TMEM154: variants seen among roughly 807,000 people sequenced by gnomAD.
The protein encoded by TMEM154 is transmembrane protein 154.
In TMEM154, 27 loss-of-function variants were observed where a neutral mutation model predicts 24.5. The ratio of observed to expected loss-of-function variants is 1.10; its 90% CI spans 0.81 to 1.52. The LOEUF is 1.52. TMEM154 is among the 40% of genes most tolerant of loss of function. The pLI, the probability that TMEM154 is intolerant of heterozygous loss-of-function variation, is 0.00. For synonymous variants in TMEM154, 67 were observed against 76.8 expected (o/e 0.87, Z 0.67); for missense variants, 228 against 213.4 (o/e 1.07, Z -0.43).
intron 6 of TMEM154, among the ~76,000 whole-genome samples, chr4:152,637,418 A>C (rs1276452564): frequency 2.0e-5 from 3 of 151,984 alleles, no homozygotes; most frequent in Non-Finnish European, 2.9e-5. Flanking sequence ...GGTGGTGGGT[A>C]CCTGTAATCC....
intron 4 of TMEM154, among the ~76,000 whole-genome samples, 157 bp from the exon 5 acceptor site, chr4:152,643,330 A>G (rs543227828): frequency 6.6e-6 from 1 of 152,234 alleles, no homozygotes; most frequent in East Asian, 1.9e-4. Flanking sequence ...CCAAACTACC[A>G]AACTTTAATA....
Position 152,628,195 on chromosome 4 carries a change from G to T in TMEM154, c.*351C>A, listed in dbSNP as rs1751950838. On this transcript the variant is annotated 3_prime_UTR_variant, in exon 7 of 7. Transcript: ENST00000304385. Reference sequence around the variant, plus strand: ...TAGGCCCTAAGGAATGAAGCAGAAAGGTGACGAACATTTATCATGACCAGA... The same window carrying T: ...TAGGCCCTAAGGAATGAAGCAGAAATGTGACGAACATTTATCATGACCAGA... The T allele has an allele frequency of 3.3e-6, 1 of 302,560 alleles. No homozygotes were observed. The highest frequency in any genetic ancestry group is 6.1e-6 in the Non-Finnish European group (1 of 164,226). 18.7% of individuals were successfully genotyped at this position (302,560 alleles called of 1,614,324 possible).
intron 6 of TMEM154, among the ~76,000 whole-genome samples, chr4:152,635,566 C>T (rs964512086): frequency 2.0e-5 from 3 of 151,524 alleles, no homozygotes; most frequent in African/African-American, 7.3e-5. Context: ...TATACTTTCT[C>T]AAAAAATGAC....
intron 1 of TMEM154, among the ~76,000 whole-genome samples, chr4:152,658,168 A>G (rs1320490995): frequency 6.6e-6 from 1 of 152,234 alleles, no homozygotes; most frequent in Non-Finnish European, 1.5e-5. Context: ...GAAATTAAAT[A>G]ACATGCTCCT....
At chr4:152,629,138 C>T (rs1751983950) in intron 6 of TMEM154, among the ~76,000 whole-genome samples, 1 of 152,244 alleles carries the variant, frequency 6.6e-6, no homozygotes, top group African/African-American at 2.4e-5. Flanking sequence ...AGCTCTTTCT[C>T]CTCATAGCCC....
intron 6 of TMEM154, among the ~76,000 whole-genome samples, chr4:152,631,777 A>G (rs1213760022): frequency 7.6e-6 from 1 of 132,290 alleles, no homozygotes; most frequent in Non-Finnish European, 1.6e-5. Flanking sequence ...TTTTTAATGT[A>G]GTTAAATCTA....
intron 3 of TMEM154, among the ~76,000 whole-genome samples, chr4:152,650,436 C>G (rs1016028733): frequency 6.6e-6 from 1 of 151,976 alleles, no homozygotes; most frequent in African/African-American, 2.4e-5. Context: ...AACGTTTTAT[C>G]ATGAGATTGC....
At chr4:152,660,206 A>G (rs991585327) in intron 1 of TMEM154, among the ~76,000 whole-genome samples, 1 of 149,794 alleles carries the variant, frequency 6.7e-6, no homozygotes. Context: ...GAACTACTGC[A>G]GCCAGATCAA....
At chr4:152,657,122 A>G (rs768810628) in intron 1 of TMEM154, among the ~76,000 whole-genome samples, 2 of 149,362 alleles carry the variant, frequency 1.3e-5, no homozygotes, top group Non-Finnish European at 3.0e-5. Flanking sequence ...TAACCTAGTC[A>G]GATAAAAATA....
intron 1 of TMEM154, among the ~76,000 whole-genome samples, chr4:152,663,687 A>T (rs534700412): frequency 6.6e-6 from 1 of 152,362 alleles, no homozygotes; most frequent in Non-Finnish European, 1.5e-5. Flanking sequence ...TGGTCAGATA[A>T]TGTAGCATTT....
chr4:152,633,276 G>A (rs1752085534), intron 6 of TMEM154, among the ~76,000 whole-genome samples: 1 of 152,236 alleles, frequency 6.6e-6, no homozygotes, highest in Non-Finnish European at 1.5e-5. Context: ...TGCCTCGCCT[G>A]TGGGACATCA....
intron 1 of TMEM154, among the ~76,000 whole-genome samples, chr4:152,655,630 C>T (rs1728475721): frequency 6.7e-6 from 1 of 149,460 alleles, no homozygotes; most frequent in South Asian, 2.2e-4. Context: ...ACCCCTCCCC[C>T]CACCCCTGGC....
intron 1 of TMEM154, among the ~76,000 whole-genome samples, chr4:152,654,599 G>C (rs1579524832): frequency 1.3e-5 from 2 of 152,294 alleles, no homozygotes; most frequent in Middle Eastern, 6.8e-3. Flanking sequence ...ATTAGGTTTA[G>C]ATGAGGTCAT....
chr4:152,628,634 C>CT, intron 6 of TMEM154, 73 bp from the exon 7 acceptor site: 1 of 1,118,232 alleles, frequency 8.9e-7, no homozygotes, highest in South Asian at 1.7e-5. Flanking sequence ...TAATATATTT[C>CT]TTTCTTTTTT....
intron 1 of TMEM154, 93 bp from the exon 2 acceptor site, chr4:152,653,020 T>C (rs1728419228): frequency 7.5e-7 from 1 of 1,331,974 alleles, no homozygotes; most frequent in Non-Finnish European, 1.0e-6. Context: ...AGATACATTC[T>C]GTGATAAATT....
At chr4:152,630,187 T>C (rs7687415) in intron 6 of TMEM154, among the ~76,000 whole-genome samples, 6,624 of 151,512 alleles carry the variant, frequency 0.044, 444 homozygotes, top group African/African-American at 0.14. Context: ...TGGTGCACAC[T>C]TGTAGTCCCA....
chr4:152,660,762 G>C (rs944228363), intron 1 of TMEM154, among the ~76,000 whole-genome samples: 3 of 152,178 alleles, frequency 2.0e-5, no homozygotes, highest in Non-Finnish European at 4.4e-5. Flanking sequence ...GCCTATACTA[G>C]GAGGTGGCTT....
intron 3 of TMEM154, chr4:152,647,471 C>G (rs2149782641): frequency 3.0e-6 from 1 of 333,364 alleles, no homozygotes; most frequent in Admixed American, 6.5e-5. Context: ...GAAAAAAATT[C>G]AAATAAAACT....
At chr4:152,640,068 C>T (rs1039907443) in intron 6 of TMEM154, among the ~76,000 whole-genome samples, 1 of 152,206 alleles carries the variant, frequency 6.6e-6, no homozygotes, top group African/African-American at 2.4e-5. Flanking sequence ...GCTCAGGCTT[C>T]AGGGGTTGCC....
Sources: allele counts gnomAD v4.1 joint callset (sites outside exome capture counted in the v4.1 genomes callset), GRCh38; gene constraint gnomAD v4.1.1; transcripts MANE v1.5; gene names NCBI Gene and HGNC (gene_info 2026-07-23, HGNC 2026-07-21).